The following SORCS1 variants were observed in gnomAD, a reference collection of about 807,000 sequenced individuals.
SORCS1 encodes VPS10 domain-containing receptor SorCS1.
Under a neutral mutation model 146.1 loss-of-function variants are expected in SORCS1, and 60 were observed. The ratio of observed to expected loss-of-function variants is 0.41; its 90% CI spans 0.33 to 0.51. The LOEUF is 0.51. Among genes scored for constraint, SORCS1 ranks in the 20% least tolerant of loss-of-function variants. The probability of loss-of-function intolerance (pLI) is 0.21; values close to 1 mark genes in which losing one functional copy is unlikely to be tolerated. For synonymous variants in SORCS1, 637 were observed against 584.0 expected (o/e 1.09, Z -1.31); for missense variants, 1,352 against 1,487.6 (o/e 0.91, Z 1.50).
rs147661382 is a variant in SORCS1, at chr10:106,577,721, C to A, written c.3372-166G>T. 1.6e-3 allele frequency: 2,116 copies of A among 1,345,448 alleles called. 28 individuals are homozygous for A. In the African/African-American group the frequency reaches 0.028, roughly 17 times the overall value. The allele number at this position is 1,345,448 out of a possible 1,614,324, so 83.3% of individuals were successfully genotyped here. A position where few individuals can be genotyped will look rare whatever the true frequency, so the allele number is the denominator to read the frequency against. ...ACCCTACGGAAATGCGACTGAGAACCAAACGATCCCCAAAAATGCACTTAG... is the reference window on the plus strand; with the variant it reads ...ACCCTACGGAAATGCGACTGAGAACAAAACGATCCCCAAAAATGCACTTAG... On this transcript the variant is annotated intron_variant, in intron 25 of 25. Coordinates refer to ENST00000263054, the MANE Select transcript of SORCS1 (RefSeq NM_052918.5).
chr10:107,061,252 C>G (rs1348014476), intron 1 of SORCS1, among the ~76,000 whole-genome samples: 1 of 151,932 alleles, frequency 6.6e-6, no homozygotes, highest in Non-Finnish European at 1.5e-5. Flanking sequence ...TCAAAAACAT[C>G]CATAATGAAT....
At chr10:106,889,512 C>T (rs893570965) in intron 2 of SORCS1, among the ~76,000 whole-genome samples, 2 of 151,932 alleles carry the variant, frequency 1.3e-5, no homozygotes, top group African/African-American at 4.8e-5. Context: ...GCCTGTAATC[C>T]CAGCACTTTG....
intron 1 of SORCS1, among the ~76,000 whole-genome samples, chr10:107,024,628 G>GA (rs1958314147): frequency 6.6e-6 from 1 of 152,188 alleles, no homozygotes; most frequent in African/African-American, 2.4e-5. Flanking sequence ...TGTAGGCTTT[G>GA]AGAGGTAGTA....
chr10:107,037,859 C>A (rs529685674), intron 1 of SORCS1, among the ~76,000 whole-genome samples: 4 of 152,194 alleles, frequency 2.6e-5, no homozygotes, highest in Admixed American at 2.6e-4. Context: ...CTAGGACTCA[C>A]TCTGTTGCCA....
At chr10:106,676,640 C>T (rs1339773012) in intron 13 of SORCS1, among the ~76,000 whole-genome samples, 1 of 152,172 alleles carries the variant, frequency 6.6e-6, no homozygotes, top group African/African-American at 2.4e-5. Flanking sequence ...CCCTCTCTCT[C>T]TCTCTGTCTG....
chr10:106,653,421 A>G (rs911700518), intron 17 of SORCS1, among the ~76,000 whole-genome samples: 12 of 152,206 alleles, frequency 7.9e-5, no homozygotes, highest in African/African-American at 2.7e-4. Flanking sequence ...ATGCAATCAA[A>G]GCTTACTTTC....
At chr10:107,117,357 A>T (rs1966104951) in intron 1 of SORCS1, among the ~76,000 whole-genome samples, 1 of 152,166 alleles carries the variant, frequency 6.6e-6, no homozygotes. Context: ...AAGAACAATG[A>T]CCCCGGAAGG....
At chr10:106,806,548 C>CA (rs545249460) in intron 3 of SORCS1, among the ~76,000 whole-genome samples, 80 of 97,374 alleles carry the variant, frequency 8.2e-4, no homozygotes, top group Middle Eastern at 0.014. Context: ...TGGAGTCTTG[C>CA]ACTGTGGCCC....
At chr10:106,738,493 A>C (rs1857124631) in intron 5 of SORCS1, among the ~76,000 whole-genome samples, 1 of 152,304 alleles carries the variant, frequency 6.6e-6, no homozygotes, top group East Asian at 1.9e-4. Flanking sequence ...TGGTCAGAGA[A>C]GCAGTGCTAA....
intron 1 of SORCS1, among the ~76,000 whole-genome samples, chr10:107,072,108 G>A (rs1239045386): frequency 6.6e-6 from 1 of 152,196 alleles, no homozygotes; most frequent in Non-Finnish European, 1.5e-5. Context: ...AAGTGAAGAT[G>A]CGTTGCTGGG....
At position 106,656,656 on chromosome 10, in the gene SORCS1, G is replaced by GT. The variant is rs200069838; in HGVS notation, c.2304-4104dup. The stretch of plus-strand genomic sequence containing the variant: ...AATCTGTGACTTTTCTATTTAGTAG[G>GT]TTTTTTTTTTTTGACATTTTGAGGT... On this transcript the variant is annotated intron_variant, in intron 17 of 25. Transcript: ENST00000263054. Among the ~76,000 whole-genome samples the GT allele has an allele frequency of 7.2e-3, 1,053 of 146,686 alleles. 6 individuals are homozygous for GT. Among genetic ancestry groups the GT allele is most frequent in the African/African-American group, 0.018 (743 of 40,328 alleles).
At chr10:106,748,472 C>T (rs1226412306) in intron 5 of SORCS1, among the ~76,000 whole-genome samples, 1 of 152,000 alleles carries the variant, frequency 6.6e-6, no homozygotes, top group Non-Finnish European at 1.5e-5. Flanking sequence ...CACAGACCAG[C>T]GATTCCCCCA....
intron 2 of SORCS1, among the ~76,000 whole-genome samples, chr10:106,858,167 C>T (rs1949865370): frequency 6.6e-6 from 1 of 152,174 alleles, no homozygotes. Flanking sequence ...TTTAATATCA[C>T]ATCAAAAGCT....
At chr10:106,612,123 T>C (rs1261188477) in intron 21 of SORCS1, 100 bp from the exon 22 acceptor site, 5 of 846,814 alleles carry the variant, frequency 5.9e-6, no homozygotes, top group Admixed American at 2.3e-5. Context: ...TCCTTCCCCT[T>C]CACTTACCAT....
chr10:107,055,691 G>A (rs962715481), intron 1 of SORCS1, among the ~76,000 whole-genome samples: 7 of 152,172 alleles, frequency 4.6e-5, no homozygotes, highest in Admixed American at 1.3e-4. Flanking sequence ...ACCCAACAGA[G>A]GGACAAGAGA....
intron 2 of SORCS1, among the ~76,000 whole-genome samples, chr10:106,914,434 G>A (rs1410006879): frequency 6.6e-6 from 1 of 152,080 alleles, no homozygotes; most frequent in Non-Finnish European, 1.5e-5. Context: ...GGGGCCTGGG[G>A]CTATATGACC....
At chr10:106,971,457 G>A (rs1218555177) in intron 1 of SORCS1, among the ~76,000 whole-genome samples, 1 of 152,210 alleles carries the variant, frequency 6.6e-6, no homozygotes, top group African/African-American at 2.4e-5. Flanking sequence ...CTCTTGAGTT[G>A]AGTCACATCA....
intron 2 of SORCS1, among the ~76,000 whole-genome samples, chr10:106,922,652 G>C (rs530189189): frequency 1.1e-4 from 17 of 152,216 alleles, no homozygotes; most frequent in East Asian, 1.9e-4. Context: ...ATCTACCCTA[G>C]AGTGGTACAC....
At chr10:107,134,783 G>A (rs1238548024) in intron 1 of SORCS1, among the ~76,000 whole-genome samples, 1 of 152,172 alleles carries the variant, frequency 6.6e-6, no homozygotes, top group Admixed American at 6.5e-5. Flanking sequence ...GAACCCGGAA[G>A]GATTTTAATG....
Sources: gnomAD v4.1 joint callset for allele counts (sites outside exome capture counted in the v4.1 genomes callset) on GRCh38, gnomAD v4.1.1 for gene constraint, MANE v1.5 for transcripts, NCBI Gene and HGNC (gene_info 2026-07-23, HGNC 2026-07-21) for gene names.